CNTN5: variants seen among roughly 807,000 people sequenced by gnomAD.
CNTN5 encodes the protein contactin 5, also known as contactin-5.
Under a neutral mutation model 129.1 loss-of-function variants are expected in CNTN5, and 77 were observed. That is an observed-to-expected ratio of 0.60 (90% CI 0.50 to 0.72). CNTN5 has a LOEUF of 0.72. Among genes scored for constraint, CNTN5 ranks in the 30% least tolerant of loss-of-function variants. The pLI, the probability that CNTN5 is intolerant of heterozygous loss-of-function variation, is 0.00. For missense variants in CNTN5, 1,478 were observed against 1,328.8 expected (o/e 1.11, Z -1.75); for synonymous variants, 509 against 465.6 (o/e 1.09, Z -1.20).
chr11:99,217,662 G>A (rs1281080000), intron 1 of CNTN5, among the ~76,000 whole-genome samples: 3 of 152,092 alleles, frequency 2.0e-5, no homozygotes, highest in Non-Finnish European at 4.4e-5. Context: ...TCTCAGCTGA[G>A]TGTGTCTTAC....
chr11:99,612,812 G>T (rs962756231), intron 3 of CNTN5, among the ~76,000 whole-genome samples: 1 of 152,158 alleles, frequency 6.6e-6, no homozygotes, highest in African/African-American at 2.4e-5. Flanking sequence ...GCCAGATTCA[G>T]AATGCACTAA....
chr11:100,114,441 CAATT>C (rs1235981410), intron 13 of CNTN5, among the ~76,000 whole-genome samples: 1 of 152,036 alleles, frequency 6.6e-6, no homozygotes, highest in Non-Finnish European at 1.5e-5. Context: ...TCATGAATCT[CAATT>C]AAATAACTTG....
At chr11:100,284,241 T>A (rs1469591302) in intron 18 of CNTN5, among the ~76,000 whole-genome samples, 1 of 152,166 alleles carries the variant, frequency 6.6e-6, no homozygotes, top group Non-Finnish European at 1.5e-5. Flanking sequence ...CTCACCTGAT[T>A]TTTGGTTCTT....
At chr11:99,728,087 T>A (rs1026848006) in intron 3 of CNTN5, among the ~76,000 whole-genome samples, 2 of 152,172 alleles carry the variant, frequency 1.3e-5, no homozygotes, top group Non-Finnish European at 1.5e-5. Flanking sequence ...CACCTGTATA[T>A]TAGAATCAGT....
chr11:100,016,712 T>C (rs1940838735), intron 9 of CNTN5, among the ~76,000 whole-genome samples: 2 of 152,022 alleles, frequency 1.3e-5, no homozygotes, highest in South Asian at 2.1e-4. Context: ...CATGTAAGCA[T>C]GTTTATGTAT....
chr11:99,098,087 G>A (rs1330487611), intron 1 of CNTN5, among the ~76,000 whole-genome samples: 2 of 152,016 alleles, frequency 1.3e-5, no homozygotes, highest in African/African-American at 4.8e-5. Flanking sequence ...TTAACTGAGA[G>A]GGGGAATAGA....
chr11:100,052,596 A>G (rs1943016844), intron 9 of CNTN5, among the ~76,000 whole-genome samples: 1 of 151,908 alleles, frequency 6.6e-6, no homozygotes, highest in South Asian at 2.1e-4. Context: ...TGTTCATGGA[A>G]TACAAGACTC....
intron 13 of CNTN5, among the ~76,000 whole-genome samples, chr11:100,189,706 A>T (rs1565327398): frequency 6.6e-6 from 1 of 152,186 alleles, no homozygotes; most frequent in Non-Finnish European, 1.5e-5. Context: ...ATAGAAAATG[A>T]ACACTATATA....
At chr11:99,772,201 A>G (rs75207625) in intron 3 of CNTN5, among the ~76,000 whole-genome samples, 188 of 151,552 alleles carry the variant, frequency 1.2e-3, no homozygotes, top group African/African-American at 4.5e-3. Context: ...TGTTTTAGTC[A>G]TTGAGGGTAC....
chr11:99,901,317 G>A (rs1478397484), intron 6 of CNTN5, among the ~76,000 whole-genome samples: 2 of 151,674 alleles, frequency 1.3e-5, no homozygotes, highest in Non-Finnish European at 2.9e-5. Flanking sequence ...TTGAAATGGA[G>A]TCTCACTTTG....
At chr11:99,623,325 C>G (rs117029484) in intron 3 of CNTN5, among the ~76,000 whole-genome samples, 2,105 of 152,036 alleles carry the variant, frequency 0.014, 17 homozygotes, top group Admixed American at 0.022. Context: ...CAACTGGATC[C>G]CAGGGCTCAA....
rs558526506 is a variant in CNTN5 at position 99,125,741 on chromosome 11, T to TA, written c.-210+104477dup. ...TGTTATCACTAGACCGTCATTAAAA[T>TA]AAAAAATTTACCACTTGCATAAAAA... On this transcript the variant is annotated intron_variant, in intron 1 of 24. Coordinates refer to ENST00000524871, the MANE Select transcript of CNTN5 (RefSeq NM_014361.4). Among the ~76,000 whole-genome samples the TA allele has an allele frequency of 2.2e-3, 336 of 152,282 alleles. 1 individual carries two copies. The highest frequency in any genetic ancestry group is 7.6e-3 in the African/African-American group (315 of 41,578).
At chr11:99,492,947 G>C (rs897124348) in intron 2 of CNTN5, among the ~76,000 whole-genome samples, 1 of 152,082 alleles carries the variant, frequency 6.6e-6, no homozygotes. Context: ...TTTTCTCTGG[G>C]AACAGGAAAA....
intron 16 of CNTN5, among the ~76,000 whole-genome samples, chr11:100,226,395 G>T (rs551389760): frequency 2.0e-5 from 3 of 152,186 alleles, no homozygotes; most frequent in Non-Finnish European, 4.4e-5. Context: ...TGGACTATAG[G>T]GGGTAAATTT....
At chr11:100,275,483 C>T (rs1296283413) in intron 18 of CNTN5, among the ~76,000 whole-genome samples, 1 of 152,004 alleles carries the variant, frequency 6.6e-6, no homozygotes, top group Non-Finnish European at 1.5e-5. Flanking sequence ...TTCAGAGGCT[C>T]TCTATAAATA....
chr11:99,541,956 CAAAAAAAAAA>C (rs56363127), intron 2 of CNTN5, among the ~76,000 whole-genome samples: 7 of 68,874 alleles, frequency 1.0e-4, no homozygotes, highest in African/African-American at 4.1e-4. Context: ...GATCTTGTCT[CAAAAAAAAAA>C]AAAAAAAAAA....
chr11:99,926,897 TAC>T (rs1565685232), intron 7 of CNTN5, among the ~76,000 whole-genome samples: 1 of 152,184 alleles, frequency 6.6e-6, no homozygotes, highest in Non-Finnish European at 1.5e-5. Context: ...TTACAAGATT[TAC>T]AGTTTTACTT....
At chr11:99,693,572 G>C (rs1199746501) in intron 3 of CNTN5, among the ~76,000 whole-genome samples, 1 of 151,936 alleles carries the variant, frequency 6.6e-6, no homozygotes, top group Non-Finnish European at 1.5e-5. Flanking sequence ...GTCTTCAAGG[G>C]TGGATAGAGT....
rs148923393 is a variant in CNTN5 at position 99,030,876 on chromosome 11, G to C, written c.-210+9606G>C. On this transcript the variant is annotated intron_variant, in intron 1 of 24. Coordinates refer to ENST00000524871, the MANE Select transcript of CNTN5 (RefSeq NM_014361.4). ...GTTCACTGCAACCTCCGCCTCCCGG[G>C]TTCACGCCATTCTGCTGCCTCAGCC... Among the ~76,000 whole-genome samples the C allele has an allele frequency of 2.0e-5, 3 of 150,708 alleles. No individual in the cohort carries two copies. The East Asian group carries it at 5.9e-4, about 30-fold the overall frequency.
Sources: gnomAD v4.1 joint callset for allele counts (sites outside exome capture counted in the v4.1 genomes callset) on GRCh38, gnomAD v4.1.1 for gene constraint, MANE v1.5 for transcripts, NCBI Gene and HGNC (gene_info 2026-07-23, HGNC 2026-07-21) for gene names.